SIX5: variants seen among roughly 807,000 people sequenced by gnomAD.
SIX5 encodes the protein homeobox protein SIX5.
Under a neutral mutation model 37.1 loss-of-function variants are expected in SIX5, and 21 were observed. The ratio of observed to expected loss-of-function variants is 0.57; its 90% CI spans 0.40 to 0.81. SIX5 has a LOEUF of 0.81. SIX5 is among the 40% of genes least tolerant of loss of function. SIX5 has a pLI of 0.00. For missense variants in SIX5, 1,137 were observed against 1,025.1 expected (o/e 1.11, Z -1.49); for synonymous variants, 626 against 505.9 (o/e 1.24, Z -3.19).
intron 1 of SIX5, 78 bp from the exon 2 acceptor site, chr19:45,767,233 C>A (rs1284508185): frequency 6.8e-7 from 1 of 1,469,342 alleles, no homozygotes; most frequent in Non-Finnish European, 9.3e-7. Context: ...TGCTCCCCCA[C>A]CTTTCCCTGG....
rs991721667 is a variant in SIX5 at position 45,768,582 on chromosome 19, G to A, written c.263C>T (p.Pro88Leu). 1.0e-5 allele frequency: 14 copies of A among 1,360,952 alleles called. No individual in the cohort carries two copies. The highest frequency in any genetic ancestry group is 1.2e-5 in the Non-Finnish European group (13 of 1,065,942). The allele number at this position is 1,360,952 out of a possible 1,614,324, so 84.3% of individuals were successfully genotyped here. Residue 88 changes from proline to leucine, a missense_variant, in exon 1 of 3, where the codon CCC becomes CTC. Pro to Leu is a moderately conservative substitution (Grantham distance 98). Around this residue, in one of 3 missense-constraint regions of SIX5, gnomAD observed 331 missense variants for 360.9 expected, o/e 0.92. Coordinates refer to ENST00000317578, the MANE Select transcript of SIX5 (RefSeq NM_175875.5). ...CTCGCAGACGCACGCCACCTGCTCG[G>A]GCGAGAAGCGGAGGCCCGTGGGCGG... is the stretch of plus-strand genomic sequence containing the variant. ...SEPPTGLRFS[P>L]EQVACVCEAL...
rs1969093979 is a variant in SIX5 at position 45,767,089 on chromosome 19, C to T, written c.870G>A (p.Gly290=). The T allele has an allele frequency of 6.2e-7, 1 of 1,610,080 alleles. No individual in the cohort carries two copies. Among genetic ancestry groups the T allele is most frequent in the Non-Finnish European group, 8.5e-7 (1 of 1,178,174 alleles). Residue 290 remains glycine, a synonymous_variant, in exon 2 of 3, where the codon GGG becomes GGA. Transcript: ENST00000317578. The stretch of plus-strand genomic sequence containing the variant: ...CGGCCTCGGCGGACACTGGGGCCGC[C>T]CCTCTCTCCAGGTCCTCAGGACTTC... ...SSRSPEDLER[G]AAPVSAEAAA...
intron 1 of SIX5, 72 bp from the exon 2 acceptor site, chr19:45,767,227 C>A: frequency 1.3e-6 from 2 of 1,488,792 alleles, no homozygotes; most frequent in South Asian, 1.2e-5. Flanking sequence ...GCCAGCTGCT[C>A]CCCCACCTTT....
In SIX5 at chr19:45,766,703, T is replaced by G; in HGVS notation, c.1256A>C (p.Glu419Ala). The G allele has an allele frequency of 6.5e-7, 1 of 1,537,616 alleles. No individual in the cohort carries two copies. Reference sequence around the variant, plus strand: ...TTGGGCCAGGGGCCCCAGGACCTCCTCTCCAAGGGCTGGTCCCGGAGCAGC... The same window carrying G: ...TTGGGCCAGGGGCCCCAGGACCTCCGCTCCAAGGGCTGGTCCCGGAGCAGC... ...QVAAPGPALG[E>A]EVLGPLAQVV... The change falls in exon 2 of 3, where the codon GAG becomes GCG. Residue 419 changes from glutamate to alanine, a missense_variant. By Grantham distance (107) the Glu-to-Ala change is moderately radical (BLOSUM62 -1). This residue lies in a region of SIX5 where 787 missense variants were observed against 621.4 expected (regional missense o/e 1.27). Coordinates refer to ENST00000317578, the MANE Select transcript of SIX5 (RefSeq NM_175875.5).
In SIX5 at chr19:45,768,738, A is replaced by G; in HGVS notation, c.107T>C (p.Leu36Ser). The change falls in exon 1 of 3, where the codon TTG becomes TCG. Residue 36 changes from leucine (L) to serine (S), a missense_variant. Around this residue, in one of 3 missense-constraint regions of SIX5, gnomAD observed 331 missense variants for 360.9 expected, o/e 0.92. Transcript: ENST00000317578. The stretch of plus-strand genomic sequence containing the variant: ...ACCCTCGGCCGCCTGCAAAGTCTGC[A>G]AGAGCTGGCGCGCTTCCTCCTCCTC... ...EEEEEEARQL[L>S]QTLQAAEGEA... is the part of the protein sequence containing the mutation. The G allele has an allele frequency of 1.3e-6, 2 of 1,508,262 alleles. No homozygotes were observed. Among genetic ancestry groups the G allele is most frequent in the South Asian group, 2.5e-5 (2 of 80,936 alleles). 93.4% of individuals were successfully genotyped at this position (1,508,262 alleles called of 1,614,324 possible).
chr19:45,765,364 G>A lies in SIX5; in HGVS notation c.*137C>T. 3 of 1,258,674 alleles carry A rather than the reference G, an allele frequency of 2.4e-6. No individual in the cohort carries two copies. The highest frequency in any genetic ancestry group is 3.4e-6 in the Non-Finnish European group (3 of 869,834). 78.0% of individuals were successfully genotyped at this position (1,258,674 alleles called of 1,614,324 possible). On this transcript the variant is annotated 3_prime_UTR_variant, in exon 3 of 3. Coordinates refer to ENST00000317578, the MANE Select transcript of SIX5 (RefSeq NM_175875.5). ...GGGATACAACCCCCAGCACCACCAG[G>A]GCTTGGAGAGGCCACCCAGGCAGAA...
rs747928095 is a variant in SIX5 at position 45,767,165 on chromosome 19, G to A, written c.804-10C>T. The A allele has an allele frequency of 6.2e-6, 10 of 1,610,522 alleles. No individual in the cohort carries two copies. The highest frequency in any genetic ancestry group is 3.3e-5 in the Admixed American group (2 of 59,892). On this transcript the variant is annotated splice_polypyrimidine_tract_variant and intron_variant, in intron 1 of 2. Transcript: ENST00000317578. ...ATTCCCATCAGACTCGCTGGCCGGA[G>A]AAATGGCTGTCAGCTGGGGTCCCTT...
At position 45,765,393 on chromosome 19, in the gene SIX5, T is replaced by A; in HGVS notation, c.*108A>T. ...TGGAGAGGCCACCCAGGCAGAAGGA[T>A]GTGGTGACTGGGGTCTTCAGCAACC... On this transcript the variant is annotated 3_prime_UTR_variant, in exon 3 of 3. Transcript: ENST00000317578. 1 of 1,504,132 alleles carries A rather than the reference T, an allele frequency of 6.6e-7. No homozygotes were observed. The highest frequency in any genetic ancestry group is 2.3e-5 in the East Asian group (1 of 44,432). The allele number at this position is 1,504,132 out of a possible 1,614,324, so 93.2% of individuals were successfully genotyped here.
rs1969064604 is a variant in SIX5 at position 45,766,009 on chromosome 19, A to G, written c.1712T>C (p.Met571Thr). ...IILTATFPTSMLVSQVLPPAP... is the reference protein window; with the variant it reads ...IILTATFPTSTLVSQVLPPAP... The stretch of plus-strand genomic sequence containing the variant: ...TGGCGGCAGGACCTGGGAGACGAGC[A>G]TGCTGGTGGGGAAGGTGGCGGTGAG... Residue 571 changes from methionine to threonine, a missense_variant, in exon 3 of 3, where the codon ATG (methionine) becomes ACG (threonine). Around this residue, in one of 3 missense-constraint regions of SIX5, gnomAD observed 787 missense variants for 621.4 expected, o/e 1.27. Transcript: ENST00000317578. 1 of 1,608,398 alleles carries G rather than the reference A, an allele frequency of 6.2e-7. No individual in the cohort carries two copies. Among genetic ancestry groups the G allele is most frequent in the Non-Finnish European group, 8.5e-7 (1 of 1,177,786 alleles).
Position 45,766,428 on chromosome 19 carries a change from C to A in SIX5, c.1531G>T (p.Ala511Ser). The A allele has an allele frequency of 1.3e-6, 2 of 1,566,248 alleles. No homozygotes were observed. The highest frequency in any genetic ancestry group is 1.7e-6 in the Non-Finnish European group (2 of 1,156,520). ...ATGAGGTGCACATTGGCAGGGCCTG[C>A]TGCAGCTGCCACCTTCACAGGGCTG... Reference protein sequence around the residue: ...PGSPVKVAAAAGPANVHLINS... With the variant: ...PGSPVKVAAASGPANVHLINS... Residue 511 changes from alanine to serine, a missense_variant, in exon 2 of 3, where the codon GCA becomes TCA. Coordinates refer to ENST00000317578, the MANE Select transcript of SIX5 (RefSeq NM_175875.5).
rs758804798 is a variant in SIX5 at position 45,766,996 on chromosome 19, G to A, written c.963C>T (p.Ile321=). The change falls in exon 2 of 3, where the codon ATC becomes ATT. Residue 321 remains isoleucine, a synonymous_variant. Transcript: ENST00000317578. ...PPAPCPASSS[I]LVNGSFLAAS... The stretch of plus-strand genomic sequence containing the variant: ...CTGCCAGGAAGCTCCCGTTCACCAG[G>A]ATGGAGGAGGAAGCCGGGCAAGGCG... The A allele has an allele frequency of 3.7e-6, 6 of 1,605,544 alleles. No individual in the cohort carries two copies. In the East Asian group the frequency reaches 6.7e-5, roughly 18 times the overall value.
In SIX5 at chr19:45,765,752, A is replaced by G. The variant is rs774760098; in HGVS notation, c.1969T>C (p.Leu657=). The change falls in exon 3 of 3, where the codon TTG becomes CTG. Residue 657 remains leucine, a synonymous_variant. Coordinates refer to ENST00000317578, the MANE Select transcript of SIX5 (RefSeq NM_175875.5). ...FPAPPPEGLM[L]SPAAVPVWSA... ...CAGACAGGCACGGCCGCGGGTGACA[A>G]CATCAGCCCCTCTGGTGGGGGCGCC... 11 of 1,611,220 alleles carry G rather than the reference A, an allele frequency of 6.8e-6. No individual in the cohort carries two copies. The highest frequency in any genetic ancestry group is 1.7e-5 in the Admixed American group (1 of 60,026).
chr19:45,766,448 G>A lies in SIX5; in HGVS notation c.1511C>T (p.Pro504Leu). ...GCCTGCTGCAGCTGCCACCTTCACA[G>A]GGCTGCCTGGCCCGGCTGCCAACAG... ...LQLLAAGPGS[P>L]VKVAAAAGPA... Residue 504 changes from proline to leucine, a missense_variant, in exon 2 of 3, where the codon CCT (proline) becomes CTT (leucine). Physicochemically the swap from Pro to Leu is moderately conservative, Grantham distance 98 (BLOSUM62 -3). Transcript: ENST00000317578. 1.3e-6 allele frequency: 2 copies of A among 1,549,654 alleles called. No individual in the cohort carries two copies. The highest frequency in any genetic ancestry group is 1.2e-5 in the South Asian group (1 of 83,676).
rs542711350 is a variant in SIX5 at position 45,765,413 on chromosome 19, G to A, written c.*88C>T. On this transcript the variant is annotated 3_prime_UTR_variant, in exon 3 of 3. Coordinates refer to ENST00000317578, the MANE Select transcript of SIX5 (RefSeq NM_175875.5). ...AAGGATGTGGTGACTGGGGTCTTCAGCAACCGCATTTCTGGGGCTCCCCCC... is the reference window on the plus strand; with the variant it reads ...AAGGATGTGGTGACTGGGGTCTTCAACAACCGCATTTCTGGGGCTCCCCCC... The A allele has an allele frequency of 6.3e-7, 1 of 1,592,874 alleles. No individual in the cohort carries two copies. Among genetic ancestry groups the A allele is most frequent in the Non-Finnish European group, 8.6e-7 (1 of 1,165,832 alleles).
chr19:45,765,771 G>T lies in SIX5; in HGVS notation c.1950C>A (p.Pro650=). ...GTGACAACATCAGCCCCTCTGGTGGGGGCGCCGGGAAGTTGGGCAGGAGGC... is the reference window on the plus strand; with the variant it reads ...GTGACAACATCAGCCCCTCTGGTGGTGGCGCCGGGAAGTTGGGCAGGAGGC... ...SPGLLPNFPA[P]PPEGLMLSPA... The change falls in exon 3 of 3, where the codon CCC becomes CCA. Residue 650 remains proline (P), a synonymous_variant. Transcript: ENST00000317578. 1 of 1,609,094 alleles carries T rather than the reference G, an allele frequency of 6.2e-7. No homozygotes were observed.
Position 45,768,800 on chromosome 19 carries a change from C to G in SIX5, c.45G>C (p.Gly15=), listed in dbSNP as rs546371671. Residue 15 remains glycine, a synonymous_variant, in exon 1 of 3, where the codon GGG becomes GGC. Transcript: ENST00000317578. ...CCGCCGCCGCCGCCACCGCCTCCCC[C>G]CCAGCCGCCGGCCCCGCGCTCGGCT... The part of the protein sequence containing the change: ...PAEPSAGPAA[G]GEAVAAAAAT... 90 of 1,530,184 alleles carry G rather than the reference C, an allele frequency of 5.9e-5. No individual in the cohort carries two copies. Among genetic ancestry groups the G allele is most frequent in the Middle Eastern group, 5.8e-4 (3 of 5,194 alleles). 94.8% of individuals were successfully genotyped at this position (1,530,184 alleles called of 1,614,324 possible). A position where few individuals can be genotyped will look rare whatever the true frequency, so the allele number is the denominator to read the frequency against.
Position 45,767,270 on chromosome 19 carries a change from G to A in SIX5, c.804-115C>T, listed in dbSNP as rs568185205. ...CCAAGTTTCGGTGGATCATTCCAGG[G>A]GTTATGACGCCTCTCTGAGACCACT... On this transcript the variant is annotated intron_variant, in intron 1 of 2. Coordinates refer to ENST00000317578, the MANE Select transcript of SIX5 (RefSeq NM_175875.5). 123 of 1,086,944 alleles carry A rather than the reference G, an allele frequency of 1.1e-4. 3 individuals carry two copies. The highest frequency in any genetic ancestry group is 7.3e-5 in the Non-Finnish European group (54 of 744,526). The allele number at this position is 1,086,944 out of a possible 1,614,324, so 67.3% of individuals were successfully genotyped here.
chr19:45,767,756 C>A, intron 1 of SIX5: 1 of 530,950 alleles, frequency 1.9e-6, no homozygotes, highest in South Asian at 2.5e-5. Context: ...TCCTCAGTCC[C>A]TCTAGTGCCC....
rs764868951 is a variant in SIX5 at position 45,767,104 on chromosome 19, C to T, written c.855G>A (p.Glu285=). The change falls in exon 2 of 3, where the codon GAG becomes GAA. Residue 285 remains glutamate, a synonymous_variant. Transcript: ENST00000317578. ...TTEDESSRSP[E]DLERGAAPVS... is the part of the protein sequence containing the mutation. The stretch of plus-strand genomic sequence containing the variant: ...CTGGGGCCGCCCCTCTCTCCAGGTC[C>T]TCAGGACTTCGGCTGGACTCGTCCT... 9.3e-6 allele frequency: 15 copies of T among 1,612,190 alleles called. No individual in the cohort carries two copies. Among genetic ancestry groups the T allele is most frequent in the Admixed American group, 6.7e-5 (4 of 59,990 alleles).
Sources: allele counts gnomAD v4.1 joint callset, GRCh38; gene constraint gnomAD v4.1.1; regional missense constraint gnomAD v4.1.1; transcripts MANE v1.5; gene names NCBI Gene and HGNC (gene_info 2026-07-23, HGNC 2026-07-21).